SMYD3: variants seen among roughly 807,000 people sequenced by gnomAD.
The protein encoded by SMYD3 is SET and MYND domain containing 3.
In SMYD3, 36 loss-of-function variants were observed where a neutral mutation model predicts 57.7. The ratio of observed to expected loss-of-function variants is 0.62; its 90% confidence interval spans 0.48 to 0.82. The LOEUF (loss-of-function observed/expected upper bound fraction) is 0.82. Among genes scored for constraint, SMYD3 ranks in the 40% least tolerant of loss-of-function variants. SMYD3 has a pLI of 0.00. For missense variants in SMYD3, 515 were observed against 538.8 expected, an observed-to-expected ratio of 0.96 and a Z score of 0.44; for synonymous variants, 211 against 195.0, an observed-to-expected ratio of 1.08 and a Z score of -0.68.
intron 5 of SMYD3, among the ~76,000 whole-genome samples, chr1:246,195,989 T>C (rs541954349): frequency 2.0e-5 from 3 of 152,316 alleles, no homozygotes; most frequent in South Asian, 2.1e-4. Context: ...CAGAGGATGA[T>C]ACTGTCTTTA....
chr1:246,277,094 T>C (rs1572326729), intron 5 of SMYD3, among the ~76,000 whole-genome samples: 1 of 152,248 alleles, frequency 6.6e-6, no homozygotes, highest in South Asian at 2.1e-4. Flanking sequence ...GTAAATAATA[T>C]GTTTACTACA....
At chr1:246,166,983 C>T (rs968665303) in intron 5 of SMYD3, among the ~76,000 whole-genome samples, 5 of 152,158 alleles carry the variant, frequency 3.3e-5, no homozygotes, top group African/African-American at 4.8e-5. Flanking sequence ...ATCTGCACTC[C>T]GTCTCTATGG....
chr1:245,855,332 A>G (rs1248937538), intron 10 of SMYD3, among the ~76,000 whole-genome samples: 1 of 147,072 alleles, frequency 6.8e-6, no homozygotes, highest in Non-Finnish European at 1.5e-5. Flanking sequence ...CTGGGGGGGG[A>G]ATTTATAGCC....
intron 1 of SMYD3, among the ~76,000 whole-genome samples, chr1:246,471,776 G>A: frequency 6.6e-6 from 1 of 152,086 alleles, no homozygotes; most frequent in East Asian, 1.9e-4. Context: ...CATTACATTT[G>A]CATAGAAAGA....
At chr1:246,383,140 C>T (rs954690035) in intron 1 of SMYD3, among the ~76,000 whole-genome samples, 18 of 152,242 alleles carry the variant, frequency 1.2e-4, no homozygotes, top group Non-Finnish European at 1.9e-4. Context: ...TGCCCAAGAA[C>T]TTGAGGTAGC....
intron 5 of SMYD3, among the ~76,000 whole-genome samples, chr1:246,230,388 A>C (rs1368167392): frequency 6.6e-6 from 1 of 152,248 alleles, no homozygotes; most frequent in East Asian, 1.9e-4. Flanking sequence ...AATAAGCGAA[A>C]ATAAATTTTA....
chr1:246,063,645 T>TTC (rs559302426), intron 5 of SMYD3, among the ~76,000 whole-genome samples: 12 of 139,604 alleles, frequency 8.6e-5, no homozygotes, highest in Middle Eastern at 3.6e-3. Context: ...CTCCCTCCCT[T>TTC]TCTCTCTCTC....
intron 10 of SMYD3, among the ~76,000 whole-genome samples, chr1:245,800,831 T>C (rs1324007986): frequency 6.6e-6 from 1 of 152,220 alleles, no homozygotes; most frequent in Non-Finnish European, 1.5e-5. Flanking sequence ...CAATGACTCT[T>C]TTCTTGGCCA....
At chr1:246,360,836 C>T (rs1030880290) in intron 1 of SMYD3, among the ~76,000 whole-genome samples, 1 of 152,122 alleles carries the variant, frequency 6.6e-6, no homozygotes, top group African/African-American at 2.4e-5. Context: ...GACCTGAAAC[C>T]ATAAAAATTC....
rs1178299081 is a variant in SMYD3 at position 246,275,601 on chromosome 1, TACTA to T, written c.531+51596_531+51599del. 5.6e-5 allele frequency among the ~76,000 whole-genome samples: 7 copies of T among 124,692 alleles called. 1 individual carries two copies. The highest frequency in any genetic ancestry group is 1.1e-4 in the African/African-American group (4 of 35,998). The allele number at this position is 124,692 out of a possible 152,430, so 81.8% of individuals were successfully genotyped here. A position where few individuals can be genotyped will look rare whatever the true frequency, so the allele number is the denominator to read the frequency against. On this transcript the variant is annotated intron_variant, in intron 5 of 11. Transcript: ENST00000490107. ...GTGGAGTCTGATGCCCATGTTTGAA[TACTA>T]ACTGTTTTTTCACTAGCCGTATTAA...
At chr1:246,094,967 G>A (rs2060887945) in intron 5 of SMYD3, among the ~76,000 whole-genome samples, 1 of 152,036 alleles carries the variant, frequency 6.6e-6, no homozygotes, top group South Asian at 2.1e-4. Context: ...CCCCGCATTG[G>A]TATCTCTATT....
At chr1:245,766,490 T>C (rs1173508212) in intron 10 of SMYD3, among the ~76,000 whole-genome samples, 1 of 151,648 alleles carries the variant, frequency 6.6e-6, no homozygotes. Flanking sequence ...TCTTCATCTC[T>C]TCAGTATGCC....
At chr1:246,244,301 G>A (rs1451509943) in intron 5 of SMYD3, among the ~76,000 whole-genome samples, 1 of 151,718 alleles carries the variant, frequency 6.6e-6, no homozygotes, top group Admixed American at 6.6e-5. Context: ...GGTATCTTGG[G>A]GCTAGCTATT....
At chr1:245,796,773 G>T (rs2148212784) in intron 10 of SMYD3, among the ~76,000 whole-genome samples, 1 of 152,348 alleles carries the variant, frequency 6.6e-6, no homozygotes, top group South Asian at 2.1e-4. Context: ...CGCATCTGCA[G>T]TTAGCTCTTT....
intron 2 of SMYD3, among the ~76,000 whole-genome samples, chr1:246,344,050 T>G (rs1240000815): frequency 6.6e-6 from 1 of 152,188 alleles, no homozygotes; most frequent in Non-Finnish European, 1.5e-5. Context: ...TATAGTTTGA[T>G]AAATTTTTGT....
intron 5 of SMYD3, among the ~76,000 whole-genome samples, chr1:246,280,874 C>T (rs537792023): frequency 2.5e-4 from 38 of 152,296 alleles, no homozygotes; most frequent in Middle Eastern, 3.4e-3. Flanking sequence ...AAAAACAAAA[C>T]GTGGGACAAA....
chr1:246,036,552 T>C (rs949757834), intron 5 of SMYD3, among the ~76,000 whole-genome samples: 10 of 141,224 alleles, frequency 7.1e-5, no homozygotes, highest in African/African-American at 2.7e-4. Flanking sequence ...TTTTTTTTTT[T>C]TGTTTTGTTT....
intron 1 of SMYD3, among the ~76,000 whole-genome samples, chr1:246,426,622 G>A (rs1572490481): frequency 6.6e-6 from 1 of 152,116 alleles, no homozygotes; most frequent in African/African-American, 2.4e-5. Context: ...AATGTCATAT[G>A]AGCTGCAGAT....
At chr1:246,101,166 G>A (rs2061010013) in intron 5 of SMYD3, among the ~76,000 whole-genome samples, 1 of 134,418 alleles carries the variant, frequency 7.4e-6, no homozygotes, top group Admixed American at 8.7e-5. Context: ...AGGGTTAGTT[G>A]AGCTTAAAAT....
Sources: allele counts gnomAD v4.1 joint callset (sites outside exome capture counted in the v4.1 genomes callset), GRCh38; gene constraint gnomAD v4.1.1; transcripts MANE v1.5; gene names NCBI Gene and HGNC (gene_info 2026-07-23, HGNC 2026-07-21).